GXYLT2: variants seen among roughly 807,000 people sequenced by gnomAD.
GXYLT2 encodes glycosyltransferase 8 domain containing 4.
A neutral mutation model predicts 45.8 loss-of-function variants in GXYLT2; 53 were observed. That is an observed-to-expected ratio of 1.16 (90% CI 0.93 to 1.46). The LOEUF (loss-of-function observed/expected upper bound fraction) is 1.46, where lower values mean the gene tolerates loss of function less well. GXYLT2 is among the 40% of genes most tolerant of loss of function. The pLI, the probability that GXYLT2 is intolerant of heterozygous loss-of-function variation, is 0.00. For missense variants in GXYLT2, 551 were observed against 544.4 expected, an observed-to-expected ratio of 1.01 and a Z score of -0.12; for synonymous variants, 219 against 214.2, an observed-to-expected ratio of 1.02 and a Z score of -0.19.
intron 5 of GXYLT2, among the ~76,000 whole-genome samples, chr3:72,966,198 C>T (rs953318624): frequency 6.6e-6 from 1 of 151,692 alleles, no homozygotes; most frequent in Non-Finnish European, 1.5e-5. Context: ...AGGTTGGTCT[C>T]GAACTCCTGA....
At chr3:72,946,669 C>T (rs1245873329) in intron 3 of GXYLT2, among the ~76,000 whole-genome samples, 1 of 152,134 alleles carries the variant, frequency 6.6e-6, no homozygotes, top group South Asian at 2.1e-4. Context: ...TTCGTGAGGG[C>T]TCCACCCTTA....
Position 72,888,249 on chromosome 3 carries a change from A to G in GXYLT2, c.16A>G (p.Lys6Glu). 1.0e-6 allele frequency: 1 copy of G among 993,656 alleles called. No homozygotes were observed. The highest frequency in any genetic ancestry group is 1.2e-6 in the Non-Finnish European group (1 of 838,336). 61.6% of individuals were successfully genotyped at this position (993,656 alleles called of 1,614,324 possible). ...GCGCCGCACCATGAAGCTCCGCAGC[A>G]AGGCGGCGGCGCTGCTCTTGCTCGC... Reference protein sequence around the residue: MKLRSKAAALLLLALA... With the variant: MKLRSEAAALLLLALA... Residue 6 changes from lysine (K) to glutamate (E), a missense_variant, in exon 1 of 7, where the codon AAG (lysine) becomes GAG (glutamate). Lys to Glu is a moderately conservative substitution (Grantham distance 56, BLOSUM62 1). Transcript: ENST00000389617.
At chr3:72,912,318 T>G (rs981669657) in intron 2 of GXYLT2, among the ~76,000 whole-genome samples, 1 of 151,970 alleles carries the variant, frequency 6.6e-6, no homozygotes, top group African/African-American at 2.4e-5. Flanking sequence ...CACTGGCTAA[T>G]ATTTTATTTT....
At chr3:72,897,033 G>A (rs1709305351) in intron 1 of GXYLT2, among the ~76,000 whole-genome samples, 1 of 152,094 alleles carries the variant, frequency 6.6e-6, no homozygotes, top group Non-Finnish European at 1.5e-5. Flanking sequence ...TAATGATGAT[G>A]ATAACTAATA....
chr3:72,967,697 C>G lies in GXYLT2; in HGVS notation c.1127C>G (p.Ala376Gly). 3 of 1,613,798 alleles carry G rather than the reference C, an allele frequency of 1.9e-6. No homozygotes were observed. Among genetic ancestry groups the G allele is most frequent in the Non-Finnish European group, 2.5e-6 (3 of 1,179,756 alleles). ...GACGATAAGCAACCAACGTTCAGAG[C>G]ACTCTATGAAGCAATACGGGATGTA... is the stretch of plus-strand genomic sequence containing the variant. ...YHDDKQPTFR[A>G]LYEAIRDFPF... is the part of the protein sequence containing the mutation. Residue 376 changes from alanine to glycine, a missense_variant, in exon 6 of 7, where the codon GCA becomes GGA. Physicochemically the swap from Ala to Gly is moderately conservative, Grantham distance 60. Transcript: ENST00000389617.
chr3:72,965,986 T>G (rs1710858541), intron 5 of GXYLT2, among the ~76,000 whole-genome samples: 1 of 152,088 alleles, frequency 6.6e-6, no homozygotes, highest in South Asian at 2.1e-4. Context: ...TTTGTTGTGT[T>G]GGTTTTTGTT....
rs1711066347 is a variant in GXYLT2, at chr3:72,975,013, T to TATA, written c.1187_1188insTAA (p.Tyr396_Pro397insAsn). The TATA allele has an allele frequency of 6.2e-7, 1 of 1,609,070 alleles. No individual in the cohort carries two copies. The highest frequency in any genetic ancestry group is 1.3e-5 in the African/African-American group (1 of 74,776). On this transcript the variant is annotated inframe_insertion, in exon 7 of 7. Transcript: ENST00000389617. ...AGACAATCTCTTTCAATCCATGTAT[T>TATA]ACCCCCTTCAGCTGAAGTTTTTGGA...
chr3:72,900,053 A>C (rs1273055896), intron 1 of GXYLT2, among the ~76,000 whole-genome samples: 1 of 152,192 alleles, frequency 6.6e-6, no homozygotes, highest in Non-Finnish European at 1.5e-5. Flanking sequence ...AAGCGCTGAT[A>C]AGAGAAGTAG....
At chr3:72,948,965 G>A (rs1015942229) in intron 3 of GXYLT2, among the ~76,000 whole-genome samples, 1 of 152,104 alleles carries the variant, frequency 6.6e-6, no homozygotes, top group Non-Finnish European at 1.5e-5. Flanking sequence ...TGGTGCCTTG[G>A]ACTTCGGGTG....
intron 1 of GXYLT2, among the ~76,000 whole-genome samples, chr3:72,907,799 A>T (rs532883166): frequency 1.3e-5 from 2 of 151,436 alleles, no homozygotes; most frequent in South Asian, 2.1e-4. Context: ...TTTCTTCAAG[A>T]CTCTCCTGAG....
At chr3:72,967,818 A>T (rs1710896024) in intron 6 of GXYLT2, 99 bp downstream of exon 6, 2 of 999,948 alleles carry the variant, frequency 2.0e-6, no homozygotes, top group African/African-American at 3.2e-5. Flanking sequence ...ATATTCCCAA[A>T]GCATAGAGTT....
chr3:72,900,575 C>T lies in GXYLT2; in HGVS notation c.276-7792C>T, dbSNP rs181025271. Among the ~76,000 whole-genome samples, 436 of 152,108 alleles carry T rather than the reference C, an allele frequency of 2.9e-3. 1 individual carries two copies. Among genetic ancestry groups the T allele is most frequent in the African/African-American group, 0.01 (421 of 41,522 alleles). ...GATTACAAGCACCCGCAACCACACCCAGCTACTTCTTTTTGTGTTTTTAGT... is the reference window on the plus strand; with the variant it reads ...GATTACAAGCACCCGCAACCACACCTAGCTACTTCTTTTTGTGTTTTTAGT... On this transcript the variant is annotated intron_variant, in intron 1 of 6. Coordinates refer to ENST00000389617, the MANE Select transcript of GXYLT2 (RefSeq NM_001080393.2).
At position 72,888,446 on chromosome 3, in the gene GXYLT2, G is replaced by A. The variant is rs926204165; in HGVS notation, c.213G>A (p.Arg71=). 1.7e-6 allele frequency: 2 copies of A among 1,200,528 alleles called. No homozygotes were observed. The highest frequency in any genetic ancestry group is 2.7e-5 in the South Asian group (1 of 36,540). 74.4% of individuals were successfully genotyped at this position (1,200,528 alleles called of 1,614,324 possible). A position where few individuals can be genotyped will look rare whatever the true frequency, so the allele number is the denominator to read the frequency against. Residue 71 remains arginine (R), a synonymous_variant, in exon 1 of 7, where the codon CGG becomes CGA. Coordinates refer to ENST00000389617, the MANE Select transcript of GXYLT2 (RefSeq NM_001080393.2). ...CCAGCCCGGGAGTTCGGAGGCGCCG[G>A]CCCCCGCGTCCGCGCCCCCGAGCGG... ...PGASPGVRRR[R]PPRPRPRAGR... is the part of the protein sequence containing the mutation.
intron 6 of GXYLT2, among the ~76,000 whole-genome samples, chr3:72,972,962 T>C (rs1711022773): frequency 6.6e-6 from 1 of 151,876 alleles, no homozygotes; most frequent in South Asian, 2.1e-4. Flanking sequence ...CTGGGCGTCA[T>C]GGCAAGTGCC....
At chr3:72,964,895 A>G (rs1234830422) in intron 5 of GXYLT2, among the ~76,000 whole-genome samples, 1 of 152,212 alleles carries the variant, frequency 6.6e-6, no homozygotes, top group Admixed American at 6.5e-5. Context: ...GATATGACCC[A>G]TTGGGTGACA....
Position 72,888,388 on chromosome 3 carries a change from C to A in GXYLT2, c.155C>A (p.Ala52Glu), listed in dbSNP as rs1709108270. The A allele has an allele frequency of 2.0e-6, 2 of 990,374 alleles. No individual in the cohort carries two copies. Among genetic ancestry groups the A allele is most frequent in the East Asian group, 2.2e-4 (2 of 8,948 alleles). The allele number at this position is 990,374 out of a possible 1,614,324, so 61.3% of individuals were successfully genotyped here. Residue 52 changes from alanine to glutamate, a missense_variant, in exon 1 of 7, where the codon GCG becomes GAG. Physicochemically the swap from Ala to Glu is moderately radical, Grantham distance 107. Coordinates refer to ENST00000389617, the MANE Select transcript of GXYLT2 (RefSeq NM_001080393.2). ...CAGCGCCACCCCGCGCCTGTCCCCG[C>A]GCGCTGGCCGGGGCCGGGCGCCCTC... ...APQRHPAPVPARWPGPGALPG... is the reference protein window; with the variant it reads ...APQRHPAPVPERWPGPGALPG...
chr3:72,898,895 C>T (rs1258915440), intron 1 of GXYLT2, among the ~76,000 whole-genome samples: 1 of 152,104 alleles, frequency 6.6e-6, no homozygotes, highest in African/African-American at 2.4e-5. Flanking sequence ...CCATGCCCGG[C>T]TAATTTTGTA....
At chr3:72,932,340 G>A (rs1401832669) in intron 3 of GXYLT2, among the ~76,000 whole-genome samples, 1 of 152,156 alleles carries the variant, frequency 6.6e-6, no homozygotes, top group African/African-American at 2.4e-5. Context: ...TTACAGACAT[G>A]AGCCACCGTA....
intron 3 of GXYLT2, among the ~76,000 whole-genome samples, chr3:72,925,676 C>T (rs995139142): frequency 6.6e-6 from 1 of 152,074 alleles, no homozygotes; most frequent in Admixed American, 6.5e-5. Context: ...ATGGTCTTCC[C>T]ATTCTATCCA....
Sources: allele counts gnomAD v4.1 joint callset (sites outside exome capture counted in the v4.1 genomes callset), GRCh38; gene constraint gnomAD v4.1.1; transcripts MANE v1.5; gene names NCBI Gene and HGNC (gene_info 2026-07-23, HGNC 2026-07-21).